Variants in NEK11 observed in about 807,000 individuals in gnomAD.
NEK11 encodes serine/threonine-protein kinase Nek11.
NEK11 carries 72 observed loss-of-function variants against 80.7 expected under a neutral mutation model. The observed-to-expected ratio is 0.89, with a 90% CI of 0.74 to 1.08. The LOEUF is 1.08. Among genes scored for constraint, NEK11 ranks in the 50% least tolerant of loss-of-function variants. The probability of loss-of-function intolerance (pLI) is 0.00; values close to 1 mark genes in which losing one functional copy is unlikely to be tolerated. For synonymous variants in NEK11, 251 were observed against 260.7 expected (o/e 0.96, Z 0.36); for missense variants, 764 against 763.6 (o/e 1.00, Z -0.01).
intron 3 of NEK11, among the ~76,000 whole-genome samples, chr3:131,042,621 A>G (rs2066695998): frequency 6.6e-6 from 1 of 152,180 alleles, no homozygotes; most frequent in Non-Finnish European, 1.5e-5. Context: ...TTAGGGGCTT[A>G]TAGATAAAAC....
At chr3:131,266,948 C>T (rs1167667445) in intron 16 of NEK11, among the ~76,000 whole-genome samples, 5 of 152,154 alleles carry the variant, frequency 3.3e-5, no homozygotes, top group Non-Finnish European at 7.4e-5. Flanking sequence ...ATGCCATGTC[C>T]TTCTTTGTCT....
At chr3:131,281,581 G>T (rs897996508) in intron 17 of NEK11, among the ~76,000 whole-genome samples, 4 of 152,150 alleles carry the variant, frequency 2.6e-5, no homozygotes, top group Non-Finnish European at 5.9e-5. Flanking sequence ...CACATTCAGG[G>T]TTTTTTGTTT....
intron 3 of NEK11, among the ~76,000 whole-genome samples, chr3:131,041,760 G>T (rs2066522174): frequency 6.6e-6 from 1 of 152,202 alleles, no homozygotes; most frequent in Non-Finnish European, 1.5e-5. Flanking sequence ...GTACTTGGAA[G>T]TACTCAGTGG....
intron 17 of NEK11, among the ~76,000 whole-genome samples, chr3:131,337,139 C>T (rs905695562): frequency 3.9e-5 from 6 of 152,192 alleles, no homozygotes; most frequent in Non-Finnish European, 8.8e-5. Context: ...GACTATAAAT[C>T]ATGCTGCTAT....
In NEK11 at chr3:131,152,416, T is replaced by A. The variant is rs748361250; in HGVS notation, c.676T>A (p.Cys226Ser). 6.2e-7 allele frequency: 1 copy of A among 1,613,138 alleles called. No individual in the cohort carries two copies. The highest frequency in any genetic ancestry group is 1.1e-5 in the South Asian group (1 of 90,888). Residue 226 changes from cysteine (C) to serine (S), a missense_variant, in exon 8 of 18, where the codon TGC becomes AGC. By Grantham distance (112) the Cys-to-Ser change is moderately radical. Transcript: ENST00000383366. ...WSLACILYEM[C>S]CMNHAFAGSN... ...ACTGGCATGCATTTTGTATGAGATGTGCTGCATGAATCATGCATTCGCTGG... is the reference window on the plus strand; with the variant it reads ...ACTGGCATGCATTTTGTATGAGATGAGCTGCATGAATCATGCATTCGCTGG...
At chr3:131,309,987 TAAAAAAA>T (rs558210123) in intron 17 of NEK11, among the ~76,000 whole-genome samples, 282 of 23,284 alleles carry the variant, frequency 0.012, 4 homozygotes, top group African/African-American at 0.038. Context: ...AGACCATGTT[TAAAAAAA>T]AAAAAAAAAA....
rs773792864 is a variant in NEK11 at position 131,168,929 on chromosome 3, AG to A, written c.1279del (p.Glu427LysfsTer9). On this transcript the variant is annotated frameshift_variant, in exon 13 of 18. Transcript: ENST00000383366. LOFTEE classifies it high-confidence loss of function. ...CGAGGATGAAGAGAGGTGGCAAGGCAGGGAAGAGGCAAGTTTAATCATATTC... is the reference window on the plus strand; with the variant it reads ...CGAGGATGAAGAGAGGTGGCAAGGCAGGAAGAGGCAAGTTTAATCATATTC... ...QDEDEERWQGREEESDEPTLE... is the reference protein window; with the variant it reads ...QDEDEERWQGXEEESDEPTLE... 1.9e-6 allele frequency: 3 copies of A among 1,613,358 alleles called. No individual in the cohort carries two copies. Among genetic ancestry groups the A allele is most frequent in the Non-Finnish European group, 2.5e-6 (3 of 1,179,498 alleles).
chr3:131,239,375 C>T (rs1225199230), intron 15 of NEK11, among the ~76,000 whole-genome samples: 3 of 152,192 alleles, frequency 2.0e-5, no homozygotes, highest in African/African-American at 7.2e-5. Flanking sequence ...GCGTACTCTA[C>T]TCTATATATA....
At chr3:131,102,897 T>C (rs1046757642) in intron 4 of NEK11, among the ~76,000 whole-genome samples, 1 of 152,220 alleles carries the variant, frequency 6.6e-6, no homozygotes, top group African/African-American at 2.4e-5. Flanking sequence ...TTTGTCCAAC[T>C]GAGTTGATTC....
chr3:131,145,645 CAA>C (rs1302402491), intron 7 of NEK11, among the ~76,000 whole-genome samples: 1 of 152,068 alleles, frequency 6.6e-6, no homozygotes, highest in African/African-American at 2.4e-5. Context: ...ATTTCCAACT[CAA>C]GAGAGACTTT....
intron 4 of NEK11, among the ~76,000 whole-genome samples, chr3:131,104,805 G>A (rs1334935429): frequency 2.6e-5 from 4 of 152,186 alleles, no homozygotes; most frequent in Non-Finnish European, 5.9e-5. Context: ...CAAGCTCTCT[G>A]TGTCGATCTG....
chr3:131,154,801 A>G, intron 9 of NEK11: 1 of 444,332 alleles, frequency 2.3e-6, no homozygotes. Context: ...AGGGAGTGAG[A>G]GAGCAAGCAG....
At chr3:131,050,888 T>A (rs534593934) in intron 3 of NEK11, among the ~76,000 whole-genome samples, 1 of 151,580 alleles carries the variant, frequency 6.6e-6, no homozygotes, top group Non-Finnish European at 1.5e-5. Flanking sequence ...ATAGTGGGCA[T>A]GGTGGCGCAT....
Position 131,055,313 on chromosome 3 carries a change from G to A in NEK11, c.171-25110G>A, listed in dbSNP as rs149988293. Among the ~76,000 whole-genome samples the A allele has an allele frequency of 8.1e-3, 1,240 of 152,314 alleles. 22 individuals are homozygous for A. The highest frequency in any genetic ancestry group is 0.028 in the African/African-American group (1,173 of 41,566). On this transcript the variant is annotated intron_variant, in intron 3 of 17. Coordinates refer to ENST00000383366, the MANE Select transcript of NEK11 (RefSeq NM_024800.5). ...ATGGATAGATTGCTGACAATGTCAG[G>A]CACTGTTTCAGACAGTGAACAAAAC...
chr3:131,033,388 A>G (rs1340548227), intron 3 of NEK11, among the ~76,000 whole-genome samples: 2 of 152,192 alleles, frequency 1.3e-5, no homozygotes, highest in Non-Finnish European at 2.9e-5. Context: ...TATGAATGCT[A>G]TTCCTTCAAC....
chr3:131,275,324 T>A (rs887982128), intron 17 of NEK11, among the ~76,000 whole-genome samples: 3 of 152,218 alleles, frequency 2.0e-5, no homozygotes, highest in Non-Finnish European at 4.4e-5. Context: ...GGTGTCAGAT[T>A]TTTGATCTAA....
chr3:131,223,478 GA>G (rs1367743618), intron 14 of NEK11, among the ~76,000 whole-genome samples: 3 of 152,192 alleles, frequency 2.0e-5, no homozygotes. Context: ...TACGTTTTGG[GA>G]AGAGGAGCTT....
intron 3 of NEK11, among the ~76,000 whole-genome samples, chr3:131,057,118 A>G (rs998220417): frequency 5.1e-5 from 7 of 138,598 alleles, no homozygotes; most frequent in African/African-American, 1.1e-4. Context: ...ATTCCCATCT[A>G]TGAGTGAGAA....
At chr3:131,331,818 C>T (rs993338683) in intron 17 of NEK11, among the ~76,000 whole-genome samples, 5 of 152,238 alleles carry the variant, frequency 3.3e-5, no homozygotes, top group African/African-American at 1.2e-4. Context: ...TTATATCCCA[C>T]AACTGGCTCG....
Sources: gnomAD v4.1 joint callset for allele counts (sites outside exome capture counted in the v4.1 genomes callset) on GRCh38, gnomAD v4.1.1 for gene constraint, MANE v1.5 for transcripts, NCBI Gene and HGNC (gene_info 2026-07-23, HGNC 2026-07-21) for gene names.